Variants in AGMO observed in about 807,000 individuals in gnomAD.
AGMO encodes the protein alkylglycerol monooxygenase.
AGMO carries 75 observed loss-of-function variants against 60.2 expected under a neutral mutation model. That is an observed-to-expected ratio of 1.25 (90% confidence interval 1.03 to 1.51). The LOEUF is 1.51. AGMO is among the 40% of genes most tolerant of loss of function. AGMO has a pLI of 0.00. For synonymous variants in AGMO, 261 were observed against 177.1 expected (o/e 1.47, Z -3.76); for missense variants, 763 against 525.5 (o/e 1.45, Z -4.42).
chr7:15,395,347 TAAA>T lies in AGMO; in HGVS notation c.610-1171_610-1169del, dbSNP rs879584961. Among the ~76,000 whole-genome samples, 3 of 152,018 alleles carry T rather than the reference TAAA, an allele frequency of 2.0e-5. No homozygotes were observed. The East Asian group carries it at 5.8e-4, about 29-fold the overall frequency. On this transcript the variant is annotated intron_variant, in intron 5 of 12. Coordinates refer to ENST00000342526, the MANE Select transcript of AGMO (RefSeq NM_001004320.2). ...AAATAGAGATAAGACTGCTTAAAATTAAAAAAAATTTAAGATGCATAACTAAAT... is the reference window on the plus strand; with the variant it reads ...AAATAGAGATAAGACTGCTTAAAATTAAAAATTTAAGATGCATAACTAAAT...
chr7:15,283,940 G>C (rs554248127), intron 12 of AGMO, among the ~76,000 whole-genome samples: 40 of 151,994 alleles, frequency 2.6e-4, no homozygotes, highest in African/African-American at 9.4e-4. Flanking sequence ...CCTCAAACTA[G>C]ACAAATACAT....
the AGMO span, among the ~76,000 whole-genome samples, chr7:15,171,330 C>T: frequency 6.6e-6 from 1 of 152,130 alleles, no homozygotes; most frequent in Non-Finnish European, 1.5e-5. Context: ...GAGTCATTGT[C>T]CACACATTCT....
chr7:15,558,159 G>A (rs1045890273), intron 2 of AGMO, among the ~76,000 whole-genome samples: 1 of 146,508 alleles, frequency 6.8e-6, no homozygotes, highest in Non-Finnish European at 1.5e-5. Context: ...GATACAGTTT[G>A]TATTTCTGGT....
intron 12 of AGMO, chr7:15,358,485 G>T (rs747471880): frequency 6.0e-5 from 28 of 466,440 alleles, no homozygotes; most frequent in Admixed American, 6.0e-4. Context: ...TTGGTACTCC[G>T]TGATTTCAGT....
chr7:15,275,826 G>C (rs1338555072), intron 12 of AGMO, among the ~76,000 whole-genome samples: 2 of 152,012 alleles, frequency 1.3e-5, no homozygotes, highest in East Asian at 1.9e-4. Context: ...TTGGTTTAAA[G>C]TATGTTTTAT....
chr7:15,313,145 G>A (rs1426831028), intron 12 of AGMO, among the ~76,000 whole-genome samples: 2 of 152,152 alleles, frequency 1.3e-5, no homozygotes, highest in African/African-American at 2.4e-5. Flanking sequence ...ATGAAAACAA[G>A]TTTTAAGTAC....
intron 12 of AGMO, among the ~76,000 whole-genome samples, chr7:15,363,574 T>C (rs1782847966): frequency 6.6e-6 from 1 of 152,150 alleles, no homozygotes; most frequent in African/African-American, 2.4e-5. Context: ...GCAATACGGC[T>C]TCAAAGTTCA....
chr7:15,145,155 G>A, the AGMO span, among the ~76,000 whole-genome samples: 2 of 152,182 alleles, frequency 1.3e-5, no homozygotes, highest in East Asian at 1.9e-4. Flanking sequence ...CATCAATAGC[G>A]TCAAAATATC....
At chr7:15,385,339 G>C (rs752035437) in intron 10 of AGMO, 107 bp downstream of exon 10, 3 of 711,714 alleles carry the variant, frequency 4.2e-6, no homozygotes, top group Admixed American at 2.7e-5. Context: ...AATTACAGCA[G>C]ACCACTACAG....
intron 4 of AGMO, among the ~76,000 whole-genome samples, chr7:15,430,603 T>A (rs535085681): frequency 3.2e-3 from 415 of 128,112 alleles, no homozygotes; most frequent in African/African-American, 9.3e-3. Flanking sequence ...TTGTTTTTTT[T>A]AAAAAAAAAA....
chr7:15,312,836 T>G (rs955179028), intron 12 of AGMO, among the ~76,000 whole-genome samples: 2 of 151,870 alleles, frequency 1.3e-5, no homozygotes, highest in Non-Finnish European at 2.9e-5. Flanking sequence ...GCCCAGCCAA[T>G]TTTTATATTT....
chr7:15,253,972 T>C (rs182988524), intron 12 of AGMO, among the ~76,000 whole-genome samples: 107 of 152,256 alleles, frequency 7.0e-4, no homozygotes, highest in African/African-American at 2.2e-3. Context: ...TGTGCCTGGA[T>C]TGTTTCACTT....
chr7:15,520,442 T>G (rs1783948728), intron 3 of AGMO, among the ~76,000 whole-genome samples: 1 of 152,144 alleles, frequency 6.6e-6, no homozygotes, highest in African/African-American at 2.4e-5. Flanking sequence ...GACCACACAA[T>G]TGGAAGTAAA....
intron 12 of AGMO, among the ~76,000 whole-genome samples, chr7:15,214,800 G>C (rs541926720): frequency 1.1e-4 from 17 of 152,112 alleles, no homozygotes; most frequent in African/African-American, 3.9e-4. Context: ...CGTAAATCCT[G>C]ATAATAGCTT....
intron 2 of AGMO, among the ~76,000 whole-genome samples, chr7:15,546,453 A>C (rs76244212): frequency 0.013 from 1,920 of 152,344 alleles, 27 homozygotes; most frequent in African/African-American, 0.044. Context: ...ACTCTAGAAT[A>C]CATTGCTGCA....
At chr7:15,435,967 A>G (rs1310037496) in intron 3 of AGMO, among the ~76,000 whole-genome samples, 1 of 152,194 alleles carries the variant, frequency 6.6e-6, no homozygotes, top group African/African-American at 2.4e-5. Context: ...ATTTTCACAG[A>G]CATATAAGAT....
chr7:15,221,968 C>T (rs1230452895), intron 12 of AGMO, among the ~76,000 whole-genome samples: 1 of 152,052 alleles, frequency 6.6e-6, no homozygotes, highest in Non-Finnish European at 1.5e-5. Context: ...TCAAACTTCA[C>T]AACAAAACAT....
intron 5 of AGMO, among the ~76,000 whole-genome samples, chr7:15,408,958 G>A (rs931865070): frequency 6.6e-6 from 1 of 151,408 alleles, no homozygotes; most frequent in African/African-American, 2.4e-5. Flanking sequence ...AATAGCATAT[G>A]GAAAATATGA....
At chr7:15,128,654 C>A in the AGMO span, among the ~76,000 whole-genome samples, 1 of 151,818 alleles carries the variant, frequency 6.6e-6, no homozygotes, top group South Asian at 2.1e-4. Flanking sequence ...TGTGTATGTG[C>A]ATATGTAGAA....
Sources: allele counts gnomAD v4.1 joint callset (sites outside exome capture counted in the v4.1 genomes callset), GRCh38; gene constraint gnomAD v4.1.1; transcripts MANE v1.5; gene names NCBI Gene and HGNC (gene_info 2026-07-23, HGNC 2026-07-21).